FAM107B: variants seen among roughly 807,000 people sequenced by gnomAD.
The protein encoded by FAM107B is protein FAM107B.
A neutral mutation model predicts 31.5 loss-of-function variants in FAM107B; 21 were observed. The ratio of observed to expected loss-of-function variants is 0.67; its 90% CI spans 0.47 to 0.96. FAM107B has a LOEUF of 0.96. Among genes scored for constraint, FAM107B ranks in the 40% least tolerant of loss-of-function variants. The pLI, the probability that FAM107B is intolerant of heterozygous loss-of-function variation, is 0.00. For missense variants in FAM107B, 452 were observed against 377.1 expected, an observed-to-expected ratio of 1.20 and a Z score of -1.64; for synonymous variants, 157 against 141.5, an observed-to-expected ratio of 1.11 and a Z score of -0.78.
At chr10:14,614,676 C>CA (rs576366601) in intron 2 of FAM107B, among the ~76,000 whole-genome samples, 4,823 of 55,774 alleles carry the variant, frequency 0.086, 139 homozygotes, top group East Asian at 0.15. Context: ...GACTCTGTCT[C>CA]AAAAAAAAAA....
chr10:14,659,674 G>T (rs1158596079), intron 2 of FAM107B, among the ~76,000 whole-genome samples: 1 of 152,174 alleles, frequency 6.6e-6, no homozygotes. Flanking sequence ...GGTTCTGGTG[G>T]AAACTGCACT....
intron 1 of FAM107B, among the ~76,000 whole-genome samples, chr10:14,745,603 G>A (rs1037357556): frequency 3.9e-5 from 6 of 152,154 alleles, no homozygotes; most frequent in East Asian, 1.9e-4. Context: ...CCATGTAGTT[G>A]TGTGGTTTTG....
chr10:14,577,046 T>C (rs10906701), intron 2 of FAM107B, among the ~76,000 whole-genome samples: 13,326 of 152,250 alleles, frequency 0.088, 758 homozygotes, highest in East Asian at 0.24. Flanking sequence ...TACAAAGAAG[T>C]TTCTCTATTC....
intron 2 of FAM107B, among the ~76,000 whole-genome samples, chr10:14,628,988 T>A (rs1236042435): frequency 3.3e-5 from 5 of 151,670 alleles, no homozygotes; most frequent in African/African-American, 1.2e-4. Flanking sequence ...AATTAAAATT[T>A]ACATAAATGC....
intron 2 of FAM107B, among the ~76,000 whole-genome samples, chr10:14,627,451 G>C (rs1480977853): frequency 6.6e-6 from 1 of 152,164 alleles, no homozygotes; most frequent in African/African-American, 2.4e-5. Flanking sequence ...TAGCAGCTCT[G>C]CTAGACAGGA....
At chr10:14,690,966 G>T (rs1480223027) in intron 1 of FAM107B, among the ~76,000 whole-genome samples, 2 of 152,170 alleles carry the variant, frequency 1.3e-5, no homozygotes, top group African/African-American at 4.8e-5. Flanking sequence ...CCAACAAAGT[G>T]AAAAGCACAA....
chr10:14,773,080 C>T (rs2039014), intron 1 of FAM107B, among the ~76,000 whole-genome samples: 30,239 of 151,940 alleles, frequency 0.2, 8,205 homozygotes, highest in African/African-American at 0.62. Context: ...TTGGTTTTTG[C>T]TGGTTGGTTA....
chr10:14,765,387 T>G (rs1157863562), intron 1 of FAM107B, among the ~76,000 whole-genome samples: 1 of 152,234 alleles, frequency 6.6e-6, no homozygotes, highest in Non-Finnish European at 1.5e-5. Context: ...ATGAGAGCTA[T>G]CCATTTATTG....
intron 2 of FAM107B, among the ~76,000 whole-genome samples, chr10:14,626,819 T>C (rs1853178427): frequency 6.6e-6 from 1 of 152,190 alleles, no homozygotes; most frequent in African/African-American, 2.4e-5. Context: ...ACTCCGTGTA[T>C]CTCAGCAAAG....
intron 1 of FAM107B, among the ~76,000 whole-genome samples, chr10:14,747,443 G>A (rs571853794): frequency 1.3e-5 from 2 of 152,292 alleles, no homozygotes; most frequent in East Asian, 3.9e-4. Flanking sequence ...GCTTCAATCT[G>A]TGTGGCTGCT....
intron 2 of FAM107B, chr10:14,612,508 T>C (rs147577075): frequency 6.6e-6 from 1 of 152,370 alleles, no homozygotes; most frequent in Non-Finnish European, 1.5e-5. Context: ...GATTCCAGCT[T>C]GTTCTGGTGG....
chr10:14,737,678 A>C (rs1245474078), intron 1 of FAM107B, among the ~76,000 whole-genome samples: 3 of 152,034 alleles, frequency 2.0e-5, no homozygotes, highest in Non-Finnish European at 4.4e-5. Context: ...GAAATGACCT[A>C]AGAAAAACTT....
At chr10:14,698,667 T>C (rs1855324979) in intron 1 of FAM107B, among the ~76,000 whole-genome samples, 1 of 152,214 alleles carries the variant, frequency 6.6e-6, no homozygotes, top group Non-Finnish European at 1.5e-5. Context: ...GCTCCAGACC[T>C]GCCTGACATT....
intron 2 of FAM107B, among the ~76,000 whole-genome samples, chr10:14,538,813 C>A (rs551805516): frequency 5.3e-4 from 80 of 152,330 alleles, no homozygotes; most frequent in African/African-American, 1.9e-3. Context: ...GGAAGTTATA[C>A]AGCATAATGG....
intron 2 of FAM107B, among the ~76,000 whole-genome samples, chr10:14,594,737 A>G (rs1262090661): frequency 6.6e-6 from 1 of 152,164 alleles, no homozygotes; most frequent in African/African-American, 2.4e-5. Context: ...GGCACCTCTC[A>G]TGGAACTGCA....
In FAM107B at chr10:14,599,689, C is replaced by G. The variant is rs72768955; in HGVS notation, c.469+67945G>C. On this transcript the variant is annotated intron_variant, in intron 2 of 4. Transcript: ENST00000181796. ...AACTCACACCTTTGGTAAAACATCT[C>G]TGGTCAGGGAATATAAAAGAATGTA... is the stretch of plus-strand genomic sequence containing the variant. Among the ~76,000 whole-genome samples, 1,433 of 152,256 alleles carry G rather than the reference C, an allele frequency of 9.4e-3. 11 individuals are homozygous for G. Among genetic ancestry groups the G allele is most frequent in the Middle Eastern group, 0.027 (8 of 294 alleles).
At chr10:14,603,836 C>G (rs1177410272) in intron 2 of FAM107B, among the ~76,000 whole-genome samples, 2 of 151,756 alleles carry the variant, frequency 1.3e-5, no homozygotes, top group African/African-American at 2.4e-5. Flanking sequence ...GCGACCCGGT[C>G]CACGCCGGGC....
intron 2 of FAM107B, among the ~76,000 whole-genome samples, chr10:14,558,420 C>T (rs887041520): frequency 2.0e-5 from 3 of 152,204 alleles, no homozygotes; most frequent in Non-Finnish European, 4.4e-5. Context: ...ATTCCTTGAC[C>T]TTCCTATAGA....
chr10:14,598,867 G>T (rs1852273848), intron 2 of FAM107B, among the ~76,000 whole-genome samples: 1 of 152,142 alleles, frequency 6.6e-6, no homozygotes, highest in South Asian at 2.1e-4. Flanking sequence ...GAGAATACTA[G>T]AGCTCAAGGG....
Sources: allele counts gnomAD v4.1 joint callset (sites outside exome capture counted in the v4.1 genomes callset), GRCh38; gene constraint gnomAD v4.1.1; transcripts MANE v1.5; gene names NCBI Gene and HGNC (gene_info 2026-07-23, HGNC 2026-07-21).